The following CACNA1H variants were observed in gnomAD, a reference collection of about 807,000 sequenced individuals.
CACNA1H encodes the protein calcium voltage-gated channel subunit alpha1 H.
Under a neutral mutation model 192.5 loss-of-function variants are expected in CACNA1H, and 149 were observed. The observed-to-expected ratio is 0.77, with a 90% CI of 0.68 to 0.89. The LOEUF (loss-of-function observed/expected upper bound fraction) is 0.89. CACNA1H is among the 40% of genes least tolerant of loss of function. The pLI is 0.00. For synonymous variants in CACNA1H, 2,202 were observed against 1,475.2 expected (o/e 1.49, Z -11.29); for missense variants, 4,257 against 3,423.5 (o/e 1.24, Z -6.08).
intron 21 of CACNA1H, 56 bp downstream of exon 21, chr16:1,211,027 C>T (rs554344464): frequency 1.3e-6 from 2 of 1,560,010 alleles, no homozygotes; most frequent in Admixed American, 1.7e-5. Flanking sequence ...CCCCTGACGC[C>T]ACTGCCCATT....
chr16:1,164,372 C>T (rs1020830932), intron 2 of CACNA1H, among the ~76,000 whole-genome samples: 23 of 152,276 alleles, frequency 1.5e-4, no homozygotes, highest in African/African-American at 5.1e-4. Context: ...CTCACCCTGT[C>T]GCCCAGGCTG....
At chr16:1,215,217 G>A (rs1159248132) in intron 28 of CACNA1H, 25 bp from the exon 29 acceptor site, 10 of 1,592,972 alleles carry the variant, frequency 6.3e-6, no homozygotes, top group East Asian at 2.3e-5. Flanking sequence ...CCCCAGACGT[G>A]TGCGCTGAGC....
In CACNA1H at chr16:1,212,151, C is replaced by G. The variant is rs376556601; in HGVS notation, c.4759+13C>G. ...AGGAGGCGCAGGAGTAAGGCGCTCC[C>G]GGTGGCGGTGGCGGTGGCGGGTCGG... On this transcript the variant is annotated intron_variant, in intron 25 of 34. Coordinates refer to ENST00000348261, the MANE Select transcript of CACNA1H (RefSeq NM_021098.3). 1.9e-6 allele frequency: 3 copies of G among 1,589,442 alleles called. No homozygotes were observed. In the Admixed American group the frequency reaches 5.1e-5, roughly 27 times the overall value.
chr16:1,194,881 C>A (rs540340896), intron 2 of CACNA1H, 91 bp from the exon 3 acceptor site: 1 of 934,352 alleles, frequency 1.1e-6, no homozygotes, highest in Non-Finnish European at 1.7e-6. Flanking sequence ...ACACCCGTGG[C>A]GGGGCTCCGG....
chr16:1,185,269 C>G (rs534011020), intron 2 of CACNA1H, among the ~76,000 whole-genome samples: 1 of 152,226 alleles, frequency 6.6e-6, no homozygotes, highest in Non-Finnish European at 1.5e-5. Flanking sequence ...AACACCAGGG[C>G]TGTTTCCATC....
At chr16:1,195,813 T>G in intron 4 of CACNA1H, 113 bp from the exon 5 acceptor site, 1 of 962,192 alleles carries the variant, frequency 1.0e-6, no homozygotes, top group Non-Finnish European at 1.7e-6. Flanking sequence ...TACAAGGTCC[T>G]CCGGGTGCCG....
rs59079584 is a variant in CACNA1H, at chr16:1,202,416, C to A, written c.1966C>A (p.Pro656Thr). Residue 656 changes from proline to threonine, a missense_variant, in exon 9 of 35, where the codon CCC becomes ACC. By Grantham distance (38) the Pro-to-Thr change is conservative (BLOSUM62 -1). Coordinates refer to ENST00000348261, the MANE Select transcript of CACNA1H (RefSeq NM_021098.3). Reference sequence around the variant, plus strand: ...CCCGTTGAGCTTGAACAGCCCTGATCCCTACGAGAAGATCCCGCATGTGGT... The same window carrying A: ...CCCGTTGAGCTTGAACAGCCCTGATACCTACGAGAAGATCCCGCATGTGGT... ...HGPLSLNSPD[P>T]YEKIPHVVGE... 25 of 1,523,150 alleles carry A rather than the reference C, an allele frequency of 1.6e-5. No individual in the cohort carries two copies. The highest frequency in any genetic ancestry group is 2.0e-5 in the Admixed American group (1 of 49,028). 94.4% of individuals were successfully genotyped at this position (1,523,150 alleles called of 1,614,324 possible).
chr16:1,185,501 T>TCC (rs1198600559), intron 2 of CACNA1H, among the ~76,000 whole-genome samples: 12 of 117,182 alleles, frequency 1.0e-4, no homozygotes, highest in African/African-American at 2.4e-4. Context: ...ATCTGCAGAG[T>TCC]CCCCCCCCCC....
At chr16:1,188,626 A>T (rs1444650137) in intron 2 of CACNA1H, among the ~76,000 whole-genome samples, 1 of 152,154 alleles carries the variant, frequency 6.6e-6, no homozygotes, top group Non-Finnish European at 1.5e-5. Flanking sequence ...GCCCGCGCCC[A>T]GGGGCCGGGA....
intron 5 of CACNA1H, among the ~76,000 whole-genome samples, chr16:1,197,184 T>C (rs959904893): frequency 1.3e-5 from 2 of 152,230 alleles, no homozygotes; most frequent in African/African-American, 4.8e-5. Flanking sequence ...AGGGCTTGAA[T>C]ACTGTGTGAC....
chr16:1,208,179 C>T lies in CACNA1H; in HGVS notation c.3321C>T (p.Ser1107=). 5.1e-6 allele frequency: 8 copies of T among 1,553,564 alleles called. No homozygotes were observed. Among genetic ancestry groups the T allele is most frequent in the Non-Finnish European group, 6.9e-6 (8 of 1,151,644 alleles). ...APSLPDSRRG[S]SSSGDPPLGD... is the part of the protein sequence containing the mutation. ...GCCTCCCAGACTCTCGGCGTGGCAGCAGCAGCTCCGGGGACCCGCCACTGG... is the reference window on the plus strand; with the variant it reads ...GCCTCCCAGACTCTCGGCGTGGCAGTAGCAGCTCCGGGGACCCGCCACTGG... The change falls in exon 16 of 35, where the codon AGC becomes AGT. Residue 1107 remains serine (S), a synonymous_variant. Transcript: ENST00000348261.
chr16:1,208,520 C>G (rs796870938), intron 16 of CACNA1H, among the ~76,000 whole-genome samples: 11 of 152,330 alleles, frequency 7.2e-5, no homozygotes, highest in African/African-American at 2.6e-4. Context: ...GCCCGGCAAG[C>G]AGACGGCAGG....
rs573535189 is a variant in CACNA1H at position 1,200,954 on chromosome 16, G to T, written c.1212+146G>T. On this transcript the variant is annotated intron_variant, in intron 8 of 34. Coordinates refer to ENST00000348261, the MANE Select transcript of CACNA1H (RefSeq NM_021098.3). ...GGGGAGGGAGGCAGAGCTTGCGGGG[G>T]TGGGGAGGTGTGGCTGGGGACCCCA... is the stretch of plus-strand genomic sequence containing the variant. 3.5e-5 allele frequency: 23 copies of T among 665,490 alleles called. 1 individual carries two copies. Among genetic ancestry groups the T allele is most frequent in the East Asian group, 2.7e-4 (10 of 36,536 alleles). The allele number at this position is 665,490 out of a possible 1,614,324, so 41.2% of individuals were successfully genotyped here. A position where few individuals can be genotyped will look rare whatever the true frequency, so the allele number is the denominator to read the frequency against.
rs1433357008 is a variant in CACNA1H, at chr16:1,220,918, C to T, written c.6986C>T (p.Pro2329Leu). The change falls in exon 35 of 35, where the codon CCC becomes CTC. Residue 2329 changes from proline to leucine, a missense_variant. Coordinates refer to ENST00000348261, the MANE Select transcript of CACNA1H (RefSeq NM_021098.3). The part of the protein sequence containing the change: ...EKRRGLYLTV[P>L]QCPLEKPGSP... ...AGGCGGGGGCTGTACCTCACAGTCC[C>T]CCAGTGTCCTCTGGAGAAACCAGGG... 6 of 1,611,154 alleles carry T rather than the reference C, an allele frequency of 3.7e-6. No homozygotes were observed. The highest frequency in any genetic ancestry group is 1.7e-5 in the Admixed American group (1 of 59,878).
chr16:1,220,276 C>T lies in CACNA1H; in HGVS notation c.6344C>T (p.Ala2115Val), dbSNP rs183014006. ...TCCGCCTGCCCCTGGCAGCCCACAG[C>T]CGAGCCCCATGGCCCCGAAGCCTCT... ...TSSACPWQPTAEPHGPEASPV... is the reference protein window; with the variant it reads ...TSSACPWQPTVEPHGPEASPV... Residue 2115 changes from alanine to valine, a missense_variant, in exon 35 of 35, where the codon GCC becomes GTC. Ala to Val is a moderately conservative substitution (Grantham distance 64). Transcript: ENST00000348261. 9 of 1,586,690 alleles carry T rather than the reference C, an allele frequency of 5.7e-6. No individual in the cohort carries two copies. The East Asian group carries it at 1.2e-4, about 20-fold the overall frequency.
At chr16:1,212,879 A>G (rs969445676) in intron 26 of CACNA1H, among the ~76,000 whole-genome samples, 1 of 152,122 alleles carries the variant, frequency 6.6e-6, no homozygotes, top group African/African-American at 2.4e-5. Flanking sequence ...GGCTGCGCTG[A>G]GTGCTTCAGT....
At chr16:1,166,493 C>G (rs140385369) in intron 2 of CACNA1H, among the ~76,000 whole-genome samples, 26 of 152,348 alleles carry the variant, frequency 1.7e-4, no homozygotes, top group African/African-American at 5.8e-4. Context: ...TATCCACCAC[C>G]TAACTCGCCA....
At chr16:1,203,852 T>C (rs1373958892) in intron 9 of CACNA1H, among the ~76,000 whole-genome samples, 158 bp from the exon 10 acceptor site, 1 of 152,214 alleles carries the variant, frequency 6.6e-6, no homozygotes, top group Non-Finnish European at 1.5e-5. Context: ...AAGATCCTGC[T>C]TTCTGTGAAG....
At chr16:1,158,789 C>T (rs866220259) in intron 2 of CACNA1H, among the ~76,000 whole-genome samples, 1 of 152,064 alleles carries the variant, frequency 6.6e-6, no homozygotes, top group South Asian at 2.1e-4. Flanking sequence ...ACCGCTCCTG[C>T]CCCGCCGCAC....
Sources: gnomAD v4.1 joint callset for allele counts (sites outside exome capture counted in the v4.1 genomes callset) on GRCh38, gnomAD v4.1.1 for gene constraint, MANE v1.5 for transcripts, NCBI Gene and HGNC (gene_info 2026-07-23, HGNC 2026-07-21) for gene names.